CDH18: variants seen among roughly 807,000 people sequenced by gnomAD.
The protein encoded by CDH18 is cadherin 18, also known as cadherin-18.
A neutral mutation model predicts 67.9 loss-of-function variants in CDH18; 31 were observed. The observed-to-expected ratio is 0.46, with a 90% confidence interval of 0.34 to 0.62. CDH18 has a LOEUF of 0.62. Ranked by LOEUF, CDH18 falls within the 20% of genes least tolerant of loss-of-function variation. The pLI is 0.01. For synonymous variants in CDH18, 362 were observed against 347.2 expected, an observed-to-expected ratio of 1.04 and a Z score of -0.48; for missense variants, 890 against 975.5, an observed-to-expected ratio of 0.91 and a Z score of 1.17.
chr5:19,673,007 G>A (rs1389327917), intron 5 of CDH18, among the ~76,000 whole-genome samples: 13 of 151,830 alleles, frequency 8.6e-5, no homozygotes, highest in African/African-American at 2.9e-4. Flanking sequence ...AATGTCTTTA[G>A]GTGATGCTCA....
chr5:20,068,985 C>G (rs1743210571), intron 2 of CDH18, among the ~76,000 whole-genome samples: 1 of 152,050 alleles, frequency 6.6e-6, no homozygotes, highest in Non-Finnish European at 1.5e-5. Context: ...AATTTTTTTG[C>G]CCTTCTAATT....
chr5:19,650,779 A>C (rs1394013288), intron 5 of CDH18, among the ~76,000 whole-genome samples: 1 of 152,056 alleles, frequency 6.6e-6, no homozygotes, highest in African/African-American at 2.4e-5. Flanking sequence ...ATATGGGAGT[A>C]ATCACAAATG....
chr5:20,149,109 C>G (rs934152839), intron 2 of CDH18, among the ~76,000 whole-genome samples: 4 of 152,142 alleles, frequency 2.6e-5, no homozygotes, highest in Admixed American at 2.0e-4. Context: ...AGGATTCCCT[C>G]CATTCTCTTG....
chr5:20,325,547 C>A (rs979762237), intron 1 of CDH18, among the ~76,000 whole-genome samples: 1 of 152,136 alleles, frequency 6.6e-6, no homozygotes. Context: ...CTTCCGCCAC[C>A]CATCCCTCAT....
At chr5:19,625,907 C>T (rs1751465988) in intron 5 of CDH18, among the ~76,000 whole-genome samples, 1 of 152,070 alleles carries the variant, frequency 6.6e-6, no homozygotes, top group Non-Finnish European at 1.5e-5. Context: ...TGAAGAGAGT[C>T]CCTTTTCCCC....
chr5:20,238,910 G>A (rs1742676581), intron 2 of CDH18, among the ~76,000 whole-genome samples: 1 of 152,120 alleles, frequency 6.6e-6, no homozygotes, highest in Admixed American at 6.5e-5. Flanking sequence ...AATGCTTAGA[G>A]CTGTTTATTT....
intron 2 of CDH18, among the ~76,000 whole-genome samples, chr5:20,053,133 C>T (rs1741580830): frequency 6.6e-6 from 1 of 151,692 alleles, no homozygotes; most frequent in African/African-American, 2.4e-5. Context: ...GTTTAAGACC[C>T]ACTTAGATAT....
rs141411481 is a variant in CDH18 at position 19,774,703 on chromosome 5, T to C, written c.229-27467A>G. 5.0e-4 allele frequency among the ~76,000 whole-genome samples: 74 copies of C among 148,618 alleles called. No individual in the cohort carries two copies. In the East Asian group the frequency reaches 0.014, roughly 29 times the overall value. ...CGTGTGGGGTGGTATGCACCTATAG[T>C]CCCAGCTACTAGGGAGGCTGAGACA... On this transcript the variant is annotated intron_variant, in intron 3 of 12. Coordinates refer to ENST00000382275, the MANE Select transcript of CDH18 (RefSeq NM_004934.5).
In CDH18 at chr5:19,508,841, A is replaced by G. The variant is rs546850927; in HGVS notation, c.1513-5732T>C. On this transcript the variant is annotated intron_variant, in intron 10 of 12. Coordinates refer to ENST00000382275, the MANE Select transcript of CDH18 (RefSeq NM_004934.5). ...GAACTTGCTTGGCTTAAGCATTTTA[A>G]AAAGGAAGTTCTTTCTTTCTTTTCT... Among the ~76,000 whole-genome samples, 11 of 150,634 alleles carry G rather than the reference A, an allele frequency of 7.3e-5. No homozygotes were observed. The East Asian group carries it at 2.1e-3, about 29-fold the overall frequency.
chr5:19,996,784 G>C (rs1252324859), intron 2 of CDH18, among the ~76,000 whole-genome samples: 1 of 151,840 alleles, frequency 6.6e-6, no homozygotes, highest in Non-Finnish European at 1.5e-5. Context: ...TTGTCTTAAT[G>C]CTCAGTCAGG....
intron 6 of CDH18, among the ~76,000 whole-genome samples, chr5:19,600,316 G>A (rs185422528): frequency 2.0e-5 from 3 of 151,788 alleles, no homozygotes; most frequent in South Asian, 2.1e-4. Context: ...CCTGCACGTT[G>A]TGCACATCTA....
At chr5:19,800,675 G>C (rs761925925) in intron 3 of CDH18, among the ~76,000 whole-genome samples, 14 of 152,010 alleles carry the variant, frequency 9.2e-5, no homozygotes, top group Non-Finnish European at 2.1e-4. Flanking sequence ...GTAAACCATT[G>C]GATTCTCACA....
At chr5:19,727,395 T>G (rs1459880032) in intron 4 of CDH18, among the ~76,000 whole-genome samples, 3 of 152,144 alleles carry the variant, frequency 2.0e-5, no homozygotes, top group African/African-American at 7.2e-5. Flanking sequence ...CATGTGAAGA[T>G]GAATGTAAAT....
At chr5:19,514,677 A>G (rs1243594639) in intron 10 of CDH18, among the ~76,000 whole-genome samples, 1 of 152,046 alleles carries the variant, frequency 6.6e-6, no homozygotes, top group African/African-American at 2.4e-5. Context: ...TCCTTTGCCC[A>G]CTTTTTGATG....
chr5:20,343,475 T>A (rs1201849174), intron 1 of CDH18, among the ~76,000 whole-genome samples: 1 of 152,148 alleles, frequency 6.6e-6, no homozygotes, highest in Non-Finnish European at 1.5e-5. Context: ...CAACAATTCA[T>A]GCAGATAGTG....
intron 2 of CDH18, among the ~76,000 whole-genome samples, chr5:20,104,745 T>C (rs1404431962): frequency 6.6e-6 from 1 of 152,054 alleles, no homozygotes; most frequent in African/African-American, 2.4e-5. Context: ...CCCTCATTGG[T>C]TGGAGATCTT....
intron 2 of CDH18, among the ~76,000 whole-genome samples, chr5:20,072,086 G>T (rs1368082114): frequency 6.6e-6 from 1 of 152,018 alleles, no homozygotes; most frequent in East Asian, 1.9e-4. Flanking sequence ...TCTCACAACT[G>T]TTTCTCCATC....
chr5:20,183,333 T>C (rs1580426004), intron 2 of CDH18, among the ~76,000 whole-genome samples: 1 of 152,078 alleles, frequency 6.6e-6, no homozygotes, highest in Admixed American at 6.6e-5. Context: ...TTCCGTGTAA[T>C]GTGTATAACA....
intron 3 of CDH18, among the ~76,000 whole-genome samples, chr5:19,755,434 T>TATATATATATATATATATATACAC (rs1771428899): frequency 1.1e-4 from 1 of 8,976 alleles, no homozygotes; most frequent in Non-Finnish European, 1.5e-3. Context: ...AGGGTATGTA[T>TATATATATATATATATATATACAC]ATATATATAT....
Sources: gnomAD v4.1 joint callset for allele counts (sites outside exome capture counted in the v4.1 genomes callset) on GRCh38, gnomAD v4.1.1 for gene constraint, MANE v1.5 for transcripts, NCBI Gene and HGNC (gene_info 2026-07-23, HGNC 2026-07-21) for gene names.